The following DIP2B variants were observed in gnomAD, a reference collection of about 807,000 sequenced individuals.
The protein encoded by DIP2B is DIP2 acetate--CoA ligase B (putative).
In DIP2B, 76 loss-of-function variants were observed where a neutral mutation model predicts 198.0. The observed-to-expected ratio is 0.38, with a 90% confidence interval of 0.32 to 0.46. The LOEUF (loss-of-function observed/expected upper bound fraction) is 0.46. Ranked by LOEUF, DIP2B falls within the 20% of genes least tolerant of loss-of-function variation. The probability of loss-of-function intolerance (pLI) is 0.99; values close to 1 mark genes in which losing one functional copy is unlikely to be tolerated. For synonymous variants in DIP2B, 701 were observed against 739.1 expected (o/e 0.95, Z 0.84); for missense variants, 1,559 against 1,978.4 (o/e 0.79, Z 4.02).
chr12:50,651,321 T>C (rs1938448963), intron 3 of DIP2B, among the ~76,000 whole-genome samples: 1 of 152,210 alleles, frequency 6.6e-6, no homozygotes, highest in Non-Finnish European at 1.5e-5. Context: ...GTGCAGAAGT[T>C]TTTAAGTTTA....
rs1555193604 is a variant in DIP2B, at chr12:50,697,560, T to TA, written c.2048+386dup. Among the ~76,000 whole-genome samples the TA allele has an allele frequency of 3.8e-5, 5 of 132,682 alleles. No homozygotes were observed. In the East Asian group the frequency reaches 1.0e-3, roughly 27 times the overall value. 87.0% of individuals were successfully genotyped at this position (132,682 alleles called of 152,430 possible). On this transcript the variant is annotated intron_variant, in intron 17 of 37. Transcript: ENST00000301180. ...TTTTTTTTTTTTTTTTTTTTTTTTT[T>TA]AGATAGGATCTCTCTTTGTCACCCA...
At chr12:50,530,646 A>G (rs1197668337) in intron 1 of DIP2B, among the ~76,000 whole-genome samples, 1 of 152,206 alleles carries the variant, frequency 6.6e-6, no homozygotes, top group Non-Finnish European at 1.5e-5. Context: ...CTGTCTCTGC[A>G]GTAGGATTAG....
At chr12:50,726,187 C>T (rs1474105027) in intron 28 of DIP2B, among the ~76,000 whole-genome samples, 1 of 152,158 alleles carries the variant, frequency 6.6e-6, no homozygotes, top group East Asian at 1.9e-4. Context: ...AACTCAGAGT[C>T]AGACATCCTT....
chr12:50,728,215 A>G (rs1939971234), intron 29 of DIP2B, among the ~76,000 whole-genome samples: 1 of 152,138 alleles, frequency 6.6e-6, no homozygotes, highest in African/African-American at 2.4e-5. Flanking sequence ...CCCCGTCTCT[A>G]CTAAAAATAG....
chr12:50,512,902 G>T (rs777599881), intron 1 of DIP2B, among the ~76,000 whole-genome samples: 1 of 152,180 alleles, frequency 6.6e-6, no homozygotes, highest in Non-Finnish European at 1.5e-5. Flanking sequence ...AGCTACTCGG[G>T]AGGCTGAGGC....
chr12:50,743,425 C>T (rs1940291182), intron 37 of DIP2B: 1 of 152,138 alleles, frequency 6.6e-6, no homozygotes, highest in African/African-American at 2.4e-5. Flanking sequence ...CCAAGTCAGG[C>T]CCTACCTTCT....
chr12:50,659,765 T>C (rs995573040), intron 3 of DIP2B, among the ~76,000 whole-genome samples: 9 of 152,144 alleles, frequency 5.9e-5, no homozygotes, highest in African/African-American at 2.2e-4. Context: ...TTGAAAGAAA[T>C]TTTCTTTCAG....
intron 1 of DIP2B, among the ~76,000 whole-genome samples, chr12:50,562,528 A>C (rs901225296): frequency 2.0e-5 from 3 of 152,088 alleles, no homozygotes; most frequent in Non-Finnish European, 2.9e-5. Flanking sequence ...TGAGCCCAGG[A>C]GTTCGAGACC....
At chr12:50,629,069 A>G (rs1937991811) in intron 2 of DIP2B, among the ~76,000 whole-genome samples, 1 of 151,910 alleles carries the variant, frequency 6.6e-6, no homozygotes, top group Non-Finnish European at 1.5e-5. Context: ...TTTTGTAGAG[A>G]CAGGGTTTTG....
chr12:50,717,550 G>A (rs972636237), intron 23 of DIP2B, among the ~76,000 whole-genome samples: 1 of 151,602 alleles, frequency 6.6e-6, no homozygotes, highest in Non-Finnish European at 1.5e-5. Flanking sequence ...TGTATTTTTA[G>A]TAGAGACAGG....
intron 1 of DIP2B, among the ~76,000 whole-genome samples, chr12:50,524,485 T>A (rs1458241498): frequency 6.6e-6 from 1 of 152,132 alleles, no homozygotes; most frequent in African/African-American, 2.4e-5. Flanking sequence ...CTGACTCTTC[T>A]TTCTCTTTTC....
intron 28 of DIP2B, 133 bp downstream of exon 28, chr12:50,725,019 G>A: frequency 1.2e-6 from 1 of 824,622 alleles, no homozygotes; most frequent in Non-Finnish European, 2.0e-6. Flanking sequence ...CAAAACCTAG[G>A]ATCAGTAAGC....
chr12:50,586,982 A>G (rs1255656335), intron 1 of DIP2B, among the ~76,000 whole-genome samples: 1 of 152,202 alleles, frequency 6.6e-6, no homozygotes, highest in Non-Finnish European at 1.5e-5. Flanking sequence ...TCAAGACATC[A>G]CCTGACTGTT....
At chr12:50,558,122 C>G (rs1012993394) in intron 1 of DIP2B, among the ~76,000 whole-genome samples, 1 of 152,180 alleles carries the variant, frequency 6.6e-6, no homozygotes, top group Non-Finnish European at 1.5e-5. Flanking sequence ...AATTCCAGCA[C>G]TTTGGGAGGC....
intron 1 of DIP2B, among the ~76,000 whole-genome samples, chr12:50,588,679 G>A (rs978890922): frequency 3.3e-5 from 5 of 152,110 alleles, no homozygotes; most frequent in East Asian, 1.9e-4. Context: ...CTAGAATTCC[G>A]TCTTAACCCA....
At chr12:50,730,752 T>C (rs1940028244) in intron 30 of DIP2B, among the ~76,000 whole-genome samples, 1 of 152,206 alleles carries the variant, frequency 6.6e-6, no homozygotes, top group East Asian at 1.9e-4. Context: ...TTGTAAATGT[T>C]GTTCCTCTGC....
chr12:50,675,529 TTAAAG>T (rs1410913369), intron 7 of DIP2B, 81 bp downstream of exon 7: 1 of 1,344,068 alleles, frequency 7.4e-7, no homozygotes, highest in Non-Finnish European at 1.0e-6. Context: ...TACTGTAGGG[TTAAAG>T]AATGAACAAG....
intron 1 of DIP2B, among the ~76,000 whole-genome samples, chr12:50,563,633 C>T (rs1958539087): frequency 6.6e-6 from 1 of 151,720 alleles, no homozygotes; most frequent in Admixed American, 6.6e-5. Flanking sequence ...GTAGCTGGGA[C>T]TACTGGTGTG....
intron 30 of DIP2B, among the ~76,000 whole-genome samples, chr12:50,729,998 T>C (rs4768909): frequency 0.89 from 134,944 of 152,194 alleles, 60,680 homozygotes; most frequent in Non-Finnish European, 0.98. Context: ...GCTAGGATTA[T>C]AGGTGTGAGC....
Sources: gnomAD v4.1 joint callset for allele counts (sites outside exome capture counted in the v4.1 genomes callset) on GRCh38, gnomAD v4.1.1 for gene constraint, MANE v1.5 for transcripts, NCBI Gene and HGNC (gene_info 2026-07-23, HGNC 2026-07-21) for gene names.